The following PTPRF variants were observed in gnomAD, a reference collection of about 807,000 sequenced individuals.
The protein encoded by PTPRF is protein tyrosine phosphatase receptor type F.
Under a neutral mutation model 201.8 loss-of-function variants are expected in PTPRF, and 59 were observed. The ratio of observed to expected loss-of-function variants is 0.29; its 90% CI spans 0.24 to 0.36. The LOEUF (loss-of-function observed/expected upper bound fraction) is 0.36, where lower values mean the gene tolerates loss of function less well. Among genes scored for constraint, PTPRF ranks in the 10% least tolerant of loss-of-function variants. PTPRF has a pLI of 1.00. For synonymous variants in PTPRF, 1,088 were observed against 1,089.7 expected (o/e 1.00, Z 0.03); for missense variants, 2,132 against 2,690.5 (o/e 0.79, Z 4.59).
At chr1:43,604,646 C>G (rs548822031) in intron 16 of PTPRF, among the ~76,000 whole-genome samples, 1 of 152,198 alleles carries the variant, frequency 6.6e-6, no homozygotes, top group African/African-American at 2.4e-5. Flanking sequence ...TTTACACTCG[C>G]GTTTCTGGAG....
At position 43,603,764 on chromosome 1, in the gene PTPRF, G is replaced by T; in HGVS notation, c.2612G>T (p.Gly871Val). ...DEARPNTIDF[G>V]KDDQHFTVTG... ...GCGCGGCCCAACACCATAGATTTCGGCAAGGATGACCAGCACTTCACAGTC... is the reference window on the plus strand; with the variant it reads ...GCGCGGCCCAACACCATAGATTTCGTCAAGGATGACCAGCACTTCACAGTC... The change falls in exon 16 of 34, where the codon GGC (glycine) becomes GTC (valine). Residue 871 changes from glycine to valine, a missense_variant. By Grantham distance (109) the Gly-to-Val change is moderately radical (BLOSUM62 -3). Around this residue, in one of 6 missense-constraint regions of PTPRF, gnomAD observed 818 missense variants for 915.3 expected, o/e 0.89. Transcript: ENST00000359947. The surrounding 1 kb of genome is among the most constrained non-coding windows in gnomAD (Gnocchi z 5.8). The T allele has an allele frequency of 6.2e-7, 1 of 1,613,986 alleles. No homozygotes were observed.
intron 32 of PTPRF, 22 bp downstream of exon 32, chr1:43,621,014 G>T (rs762856644): frequency 1.4e-5 from 22 of 1,610,856 alleles, no homozygotes; most frequent in Non-Finnish European, 1.9e-5. Context: ...CCCCTGGAGG[G>T]CTGGGGTGGG....
intron 3 of PTPRF, among the ~76,000 whole-genome samples, chr1:43,552,115 GA>G (rs55696384): frequency 0.65 from 97,442 of 150,826 alleles, 31,598 homozygotes; most frequent in South Asian, 0.82. Flanking sequence ...AAGAAAAAAA[GA>G]AAAAAAAAAT....
intron 1 of PTPRF, among the ~76,000 whole-genome samples, chr1:43,532,024 G>T (rs1643601574): frequency 6.6e-6 from 1 of 152,060 alleles, no homozygotes; most frequent in Admixed American, 6.5e-5. Context: ...CAGGTCTCTC[G>T]ATTCTGTCTC....
At position 43,591,836 on chromosome 1, in the gene PTPRF, A is replaced by G; in HGVS notation, c.1556A>G (p.Gln519Arg). The change falls in exon 10 of 34, where the codon CAG (glutamine) becomes CGG (arginine). Residue 519 changes from glutamine (Q) to arginine (R), a missense_variant. Transcript: ENST00000359947. ...GTGCCTGCCCAGCCCGCGGACTTCC[A>G]GGCCGAGGTGGAGTCGGACACCAGG... is the stretch of plus-strand genomic sequence containing the variant. ...QGVPAQPADF[Q>R]AEVESDTRIQ... The G allele has an allele frequency of 6.2e-7, 1 of 1,613,328 alleles. No individual in the cohort carries two copies. Among genetic ancestry groups the G allele is most frequent in the Non-Finnish European group, 8.5e-7 (1 of 1,179,990 alleles).
chr1:43,547,739 G>C (rs1644771671), intron 3 of PTPRF, among the ~76,000 whole-genome samples: 1 of 152,242 alleles, frequency 6.6e-6, no homozygotes, highest in African/African-American at 2.4e-5. Context: ...AGCGGGTGGA[G>C]AAGCAGCTGC....
chr1:43,588,755 C>G lies in PTPRF; in HGVS notation c.704C>G (p.Ser235Cys), dbSNP rs775888535. 6.2e-7 allele frequency: 1 copy of G among 1,613,746 alleles called. No homozygotes were observed. Among genetic ancestry groups the G allele is most frequent in the South Asian group, 1.1e-5 (1 of 91,078 alleles). The stretch of plus-strand genomic sequence containing the variant: ...GTGCGCCGCGTGGCTCCTCGTTTCT[C>G]CATCCCTCCCAGCAGCCAGGAGGTG... Reference protein sequence around the residue: ...VRVRRVAPRFSIPPSSQEVMP... With the variant: ...VRVRRVAPRFCIPPSSQEVMP... Residue 235 changes from serine to cysteine, a missense_variant, in exon 8 of 34, where the codon TCC (serine) becomes TGC (cysteine). Ser to Cys is a moderately radical substitution (Grantham distance 112). Around this residue, in one of 6 missense-constraint regions of PTPRF, gnomAD observed 297 missense variants for 454.0 expected, o/e 0.65. Transcript: ENST00000359947. This position sits in a 1 kb window ranked among gnomAD's most constrained non-coding sequence, Gnocchi z 5.3.
At chr1:43,563,365 G>C (rs980410485) in intron 5 of PTPRF, among the ~76,000 whole-genome samples, 3 of 152,210 alleles carry the variant, frequency 2.0e-5, no homozygotes, top group Admixed American at 1.3e-4. Flanking sequence ...TTAGAAATCT[G>C]TTGAGCCAGG....
chr1:43,583,943 T>C (rs1648435755), intron 7 of PTPRF, among the ~76,000 whole-genome samples: 1 of 152,220 alleles, frequency 6.6e-6, no homozygotes, highest in South Asian at 2.1e-4. Context: ...AAGTTGCTTC[T>C]ACCTGGAGTA....
Position 43,597,749 on chromosome 1 carries a change from C to T in PTPRF, c.1815C>T (p.Thr605=), listed in dbSNP as rs138765939. The change falls in exon 12 of 34, where the codon ACC becomes ACT. Residue 605 remains threonine (T), a splice_region_variant and synonymous_variant. Transcript: ENST00000359947. ...PTIEARTAQS[T]PSAPPQKVMC... is the part of the protein sequence containing the mutation. ...TTCCCCCCCATTTGTCTTCCCCAGC[C>T]CCCTCCGCCCCTCCCCAGAAGGTGA... 1.9e-6 allele frequency: 3 copies of T among 1,568,098 alleles called. No individual in the cohort carries two copies. The highest frequency in any genetic ancestry group is 1.3e-5 in the African/African-American group (1 of 74,258).
chr1:43,581,724 C>T (rs1433621066), intron 7 of PTPRF, among the ~76,000 whole-genome samples: 1 of 152,238 alleles, frequency 6.6e-6, no homozygotes, highest in Non-Finnish European at 1.5e-5. Context: ...TGGAGGAGTC[C>T]CCAGTGCCAG....
In PTPRF at chr1:43,619,676, A is replaced by G. The variant is rs1418528695; in HGVS notation, c.4933-4A>G. 2.5e-6 allele frequency: 4 copies of G among 1,613,792 alleles called. No individual in the cohort carries two copies. The highest frequency in any genetic ancestry group is 2.5e-6 in the Non-Finnish European group (3 of 1,179,858). On this transcript the variant is annotated splice_polypyrimidine_tract_variant and splice_region_variant and intron_variant, in intron 28 of 33. Coordinates refer to ENST00000359947, the MANE Select transcript of PTPRF (RefSeq NM_002840.5). ...TGGCCTGACCAATCCCTGCCTCTCA[A>G]TAGTTGCTGGCCAGCTCCAAGGCCC...
At chr1:43,545,860 T>G (rs759178486) in intron 3 of PTPRF, among the ~76,000 whole-genome samples, 19 of 152,314 alleles carry the variant, frequency 1.2e-4, no homozygotes, top group South Asian at 6.2e-4. Context: ...CTCCGAACTT[T>G]GGTCCCTTTC....
In PTPRF at chr1:43,544,129, G is replaced by A. The variant is rs151029575; in HGVS notation, c.-45-902G>A. Among the ~76,000 whole-genome samples, 321 of 152,328 alleles carry A rather than the reference G, an allele frequency of 2.1e-3. 1 individual carries two copies. The highest frequency in any genetic ancestry group is 7.4e-3 in the African/African-American group (308 of 41,560). ...TAGGGGCATTCAGCCAGTCCCAGACGCTACTCAGTCTTTTTGTGCATAGCT... is the reference window on the plus strand; with the variant it reads ...TAGGGGCATTCAGCCAGTCCCAGACACTACTCAGTCTTTTTGTGCATAGCT... On this transcript the variant is annotated intron_variant, in intron 2 of 33. Transcript: ENST00000359947.
chr1:43,579,539 G>A (rs1647174092), intron 7 of PTPRF: 2 of 304,806 alleles, frequency 6.6e-6, no homozygotes, highest in East Asian at 8.9e-5. Flanking sequence ...TTTGCTGGGA[G>A]CGAGTGGACA....
intron 13 of PTPRF, among the ~76,000 whole-genome samples, 192 bp downstream of exon 13, chr1:43,599,105 TTTTGTTTG>T (rs372529817): frequency 6.6e-6 from 1 of 152,062 alleles, no homozygotes; most frequent in Non-Finnish European, 1.5e-5. Context: ...GGTGTGGGTT[TTTTGTTTG>T]TTTGTTTGTT....
In PTPRF at chr1:43,568,472, A is replaced by G. The variant is rs139460754; in HGVS notation, c.380-1118A>G. Among the ~76,000 whole-genome samples, 22 of 152,280 alleles carry G rather than the reference A, an allele frequency of 1.4e-4. No homozygotes were observed. The East Asian group carries it at 1.9e-3, about 13-fold the overall frequency. On this transcript the variant is annotated intron_variant, in intron 5 of 33. Transcript: ENST00000359947. Reference sequence around the variant, plus strand: ...TCACTGGGAGTGAATTCCGCATCAGATGCTCCGCAACACCTTGCATGCATG... The same window carrying G: ...TCACTGGGAGTGAATTCCGCATCAGGTGCTCCGCAACACCTTGCATGCATG...
chr1:43,618,512 G>A (rs1658411350), intron 25 of PTPRF, 118 bp from the exon 26 acceptor site: 5 of 1,327,800 alleles, frequency 3.8e-6, no homozygotes, highest in African/African-American at 2.9e-5. Context: ...GAGAGCTCAG[G>A]GCTGGGGGGC....
At chr1:43,601,861 C>G (rs1242759332) in intron 13 of PTPRF, among the ~76,000 whole-genome samples, 2 of 152,224 alleles carry the variant, frequency 1.3e-5, no homozygotes, top group East Asian at 3.9e-4. Context: ...CTACCCTCCT[C>G]AGCCCTGGCA....
Sources: allele counts gnomAD v4.1 joint callset (sites outside exome capture counted in the v4.1 genomes callset), GRCh38; gene constraint gnomAD v4.1.1; regional missense constraint gnomAD v4.1.1; non-coding constraint Gnocchi (gnomAD v3.1); transcripts MANE v1.5; gene names NCBI Gene and HGNC (gene_info 2026-07-23, HGNC 2026-07-21).